Variants in SHROOM4 observed in about 807,000 individuals in gnomAD.
The protein encoded by SHROOM4 is shroom family member 4.
Under a neutral mutation model 80.3 loss-of-function variants are expected in SHROOM4, and 17 were observed. That is an observed-to-expected ratio of 0.21 (90% CI 0.14 to 0.32). SHROOM4 has a LOEUF of 0.32. Ranked by LOEUF, SHROOM4 falls within the 10% of genes least tolerant of loss-of-function variation. The probability of loss-of-function intolerance (pLI) is 1.00; values close to 1 mark genes in which losing one functional copy is unlikely to be tolerated. For missense variants in SHROOM4, 993 were observed against 1,140.3 expected, an observed-to-expected ratio of 0.87 and a Z score of 1.86; for synonymous variants, 400 against 437.5, an observed-to-expected ratio of 0.91 and a Z score of 1.07.
intron 5 of SHROOM4, among the ~76,000 whole-genome samples, chrX:50,625,271 A>G (rs1392448276): frequency 8.9e-6 from 1 of 112,324 alleles, no homozygotes; most frequent in African/African-American, 3.2e-5. Flanking sequence ...CAACCTATTT[A>G]CCCAACAATT....
chrX:50,586,538 G>T (rs1046474548), downstream of SHROOM4, among the ~76,000 whole-genome samples: 5 of 111,805 alleles, frequency 4.5e-5, no homozygotes, highest in African/African-American at 1.6e-4. Flanking sequence ...TTTACAAACA[G>T]AATGTGGTCT....
At chrX:50,616,285 C>T (rs1333787679) in intron 5 of SHROOM4, among the ~76,000 whole-genome samples, 1 of 111,668 alleles carries the variant, frequency 9.0e-6, no homozygotes, top group Non-Finnish European at 1.9e-5. Flanking sequence ...AAGGTCAACT[C>T]TCCACTCTAC....
intron 1 of SHROOM4, among the ~76,000 whole-genome samples, chrX:50,782,245 T>C (rs1935643200): frequency 9.0e-6 from 1 of 111,347 alleles, no homozygotes; most frequent in South Asian, 3.8e-4. Context: ...TCCAACTGTA[T>C]ACAATTAGTA....
chrX:50,813,968 C>G lies in SHROOM4; in HGVS notation c.51G>C (p.Gly17=). ...SFQYVPVQLQ[G]GAPWGFTLKG... is the part of the protein sequence containing the mutation. The stretch of plus-strand genomic sequence containing the variant: ...TAAGGGTGAAGCCCCAGGGTGCCCC[C>G]CCTTGCAGCTGCACAGGGACGTACT... Residue 17 remains glycine, a synonymous_variant, in exon 1 of 9, where the codon GGG becomes GGC. Coordinates refer to ENST00000376020, the MANE Select transcript of SHROOM4 (RefSeq NM_020717.5). The G allele has an allele frequency of 1.7e-6, 2 of 1,209,507 alleles. No individual in the cohort carries two copies. The highest frequency in any genetic ancestry group is 3.5e-5 in the South Asian group (2 of 56,542).
intron 1 of SHROOM4, among the ~76,000 whole-genome samples, chrX:50,703,212 G>T (rs1557263662): frequency 9.0e-6 from 1 of 111,718 alleles, no homozygotes; most frequent in Non-Finnish European, 1.9e-5. Flanking sequence ...AAGTCTTAAT[G>T]ATTTGATTCC....
In SHROOM4 at chrX:50,602,616, A is replaced by G. The variant is rs1557247833; in HGVS notation, c.3942+17T>C. ...GCTAAATTCTGAAAATCTCTAGGAC[A>G]CATCAAAAAACTTTACCTTTTTTTG... On this transcript the variant is annotated intron_variant, in intron 7 of 8. Coordinates refer to ENST00000376020, the MANE Select transcript of SHROOM4 (RefSeq NM_020717.5). 1.7e-6 allele frequency: 2 copies of G among 1,207,870 alleles called. No homozygotes were observed. Among genetic ancestry groups the G allele is most frequent in the Admixed American group, 4.4e-5 (2 of 45,965 alleles).
At chrX:50,583,554 G>T (rs146302427), downstream of SHROOM4, among the ~76,000 whole-genome samples, 198 of 111,735 alleles carry the variant, frequency 1.8e-3, no homozygotes, top group African/African-American at 5.8e-3. Flanking sequence ...TCACTTTAGA[G>T]ACTCTCCTTA....
At chrX:50,651,680 C>T (rs782644818) in intron 2 of SHROOM4, among the ~76,000 whole-genome samples, 1 of 111,293 alleles carries the variant, frequency 9.0e-6, no homozygotes, top group Admixed American at 9.5e-5. Context: ...TTTGATGCAC[C>T]CATCAACCCA....
intron 1 of SHROOM4, among the ~76,000 whole-genome samples, chrX:50,782,660 G>A (rs1261504784): frequency 4.5e-5 from 5 of 112,063 alleles, no homozygotes; most frequent in Non-Finnish European, 9.4e-5. Context: ...TACACACAAT[G>A]GGATAGTATT....
chrX:50,779,407 C>T (rs2147671069), intron 1 of SHROOM4, among the ~76,000 whole-genome samples: 1 of 112,345 alleles, frequency 8.9e-6, no homozygotes, highest in Non-Finnish European at 1.9e-5. Context: ...GAAGGATTAG[C>T]ATTGTAAGAA....
In SHROOM4 at chrX:50,598,314, C is replaced by G. The variant is rs1929218963; in HGVS notation, c.4164G>C (p.Arg1388=). The G allele has an allele frequency of 8.3e-7, 1 of 1,209,196 alleles. No individual in the cohort carries two copies. The highest frequency in any genetic ancestry group is 1.1e-6 in the Non-Finnish European group (1 of 895,200). ...CGATGCTGTTCAGAGCATTCTCCAC[C>G]CGGGCCAGTCGTCCAGAGAGTGACA... The part of the protein sequence containing the change: ...LLLSLSGRLA[R]VENALNSIDS... The change falls in exon 8 of 9, where the codon CGG becomes CGC. Residue 1388 remains arginine (R), a synonymous_variant. Coordinates refer to ENST00000376020, the MANE Select transcript of SHROOM4 (RefSeq NM_020717.5).
chrX:50,731,229 A>T (rs1218066032), intron 1 of SHROOM4, among the ~76,000 whole-genome samples: 12 of 101,936 alleles, frequency 1.2e-4, no homozygotes, highest in African/African-American at 1.8e-4. Context: ...AATTTGGTTT[A>T]AAAAAAAAAA....
At position 50,813,135 on chromosome X, in the gene SHROOM4, CTGGCGGCGGCGGCGGCGGCGGCAG is replaced by C. The variant is rs1268525765; in HGVS notation, c.117+743_117+766del. Among the ~76,000 whole-genome samples, 155 of 98,450 alleles carry C rather than the reference CTGGCGGCGGCGGCGGCGGCGGCAG, an allele frequency of 1.6e-3. 1 individual carries two copies. Among genetic ancestry groups the C allele is most frequent in the Non-Finnish European group, 2.7e-3 (131 of 48,481 alleles). The allele number at this position is 98,450 out of a possible 115,157, so 85.5% of individuals were successfully genotyped here. ...CACAGACTCCTAAAACAAACAAACC[CTGGCGGCGGCGGCGGCGGCGGCAG>C]TGGCGGCGGCGGCGGCGGCGGCGGC... is the stretch of plus-strand genomic sequence containing the variant. On this transcript the variant is annotated intron_variant, in intron 1 of 8. Transcript: ENST00000376020.
downstream of SHROOM4, among the ~76,000 whole-genome samples, chrX:50,585,885 C>T (rs941210287): frequency 1.8e-5 from 2 of 110,403 alleles, no homozygotes; most frequent in South Asian, 3.9e-4. Flanking sequence ...ATTTTAGTAA[C>T]GGTCTGAGTT....
chrX:50,757,029 T>C (rs1440351867), intron 1 of SHROOM4, among the ~76,000 whole-genome samples: 5 of 111,694 alleles, frequency 4.5e-5, no homozygotes, highest in South Asian at 3.7e-4. Context: ...TTATGACTTG[T>C]GGTTTTGTTG....
chrX:50,605,159 T>C (rs1235622782), intron 6 of SHROOM4, among the ~76,000 whole-genome samples: 11 of 112,012 alleles, frequency 9.8e-5, no homozygotes, highest in Admixed American at 5.7e-4. Flanking sequence ...TGGGATGATA[T>C]AGCAAGCATA....
intron 1 of SHROOM4, among the ~76,000 whole-genome samples, chrX:50,786,276 T>C (rs1175217230): frequency 1.8e-5 from 2 of 111,824 alleles, no homozygotes; most frequent in Non-Finnish European, 3.8e-5. Flanking sequence ...AGAGTGATGA[T>C]GGGACCTAGC....
At chrX:50,649,814 T>G (rs1931971917) in intron 2 of SHROOM4, 1 of 112,586 alleles carries the variant, frequency 8.9e-6, no homozygotes, top group Non-Finnish European at 1.9e-5. Flanking sequence ...CTTGAAATAG[T>G]GAATTTTATG....
intron 1 of SHROOM4, among the ~76,000 whole-genome samples, chrX:50,794,956 G>A (rs1340909271): frequency 1.0e-5 from 1 of 95,929 alleles, no homozygotes. Context: ...AAATATAGGT[G>A]TGTGCATATA....
Sources: allele counts gnomAD v4.1 joint callset (sites outside exome capture counted in the v4.1 genomes callset), GRCh38; gene constraint gnomAD v4.1.1; transcripts MANE v1.5; gene names NCBI Gene and HGNC (gene_info 2026-07-23, HGNC 2026-07-21).